CGRRF1: variants seen among roughly 807,000 people sequenced by gnomAD.
The protein encoded by CGRRF1 is cell growth regulator with RING finger domain protein 1.
A neutral mutation model predicts 37.2 loss-of-function variants in CGRRF1; 32 were observed. The ratio of observed to expected loss-of-function variants is 0.86; its 90% confidence interval spans 0.65 to 1.16. The LOEUF (loss-of-function observed/expected upper bound fraction) is 1.16. Among genes scored for constraint, CGRRF1 ranks in the 50% most tolerant of loss-of-function variants. The pLI is 0.00. For synonymous variants in CGRRF1, 141 were observed against 140.3 expected (o/e 1.00, Z -0.04); for missense variants, 391 against 382.6 (o/e 1.02, Z -0.18).
chr14:54,534,848 G>A lies in CGRRF1; in HGVS notation c.571-2874G>A, dbSNP rs531204197. ...TTCTGCCTCAGCCTCCTGAGTAACC[G>A]GGCCAACAGGAATGTACCACTGTGC... On this transcript the variant is annotated intron_variant, in intron 4 of 5. Coordinates refer to ENST00000216420, the MANE Select transcript of CGRRF1 (RefSeq NM_006568.3). 5.3e-5 allele frequency among the ~76,000 whole-genome samples: 8 copies of A among 152,060 alleles called. No homozygotes were observed. The East Asian group carries it at 1.4e-3, about 26-fold the overall frequency.
Position 54,538,619 on chromosome 14 carries a change from T to TA in CGRRF1, c.*238dup, listed in dbSNP as rs569047037. ...ATTCATTCAACTCTTGAAAAGAATCTAAGAGTTTGGCCTTTTATTAGCTAG... is the reference window on the plus strand; with the variant it reads ...ATTCATTCAACTCTTGAAAAGAATCTAAAGAGTTTGGCCTTTTATTAGCTAG... On this transcript the variant is annotated 3_prime_UTR_variant, in exon 6 of 6. Coordinates refer to ENST00000216420, the MANE Select transcript of CGRRF1 (RefSeq NM_006568.3). 18 of 331,306 alleles carry TA rather than the reference T, an allele frequency of 5.4e-5. No individual in the cohort carries two copies. In the South Asian group the frequency reaches 1.4e-3, roughly 25 times the overall value. 20.5% of individuals were successfully genotyped at this position (331,306 alleles called of 1,614,324 possible).
intron 1 of CGRRF1, among the ~76,000 whole-genome samples, chr14:54,514,390 T>C (rs978854496): frequency 1.3e-5 from 2 of 152,214 alleles, no homozygotes; most frequent in South Asian, 2.1e-4. Context: ...GTTTGTTTGA[T>C]GGAAACTTGG....
chr14:54,529,558 T>A (rs2032472298), intron 2 of CGRRF1, among the ~76,000 whole-genome samples: 1 of 152,234 alleles, frequency 6.6e-6, no homozygotes, highest in African/African-American at 2.4e-5. Flanking sequence ...ATGTATACAT[T>A]AATGTTAGTA....
chr14:54,524,987 C>T (rs192557907), intron 2 of CGRRF1, among the ~76,000 whole-genome samples: 1 of 152,184 alleles, frequency 6.6e-6, no homozygotes, highest in Non-Finnish European at 1.5e-5. Flanking sequence ...GTCGAGGTTG[C>T]AGTAAGCCGT....
intron 1 of CGRRF1, 120 bp downstream of exon 1, chr14:54,510,183 C>T: frequency 1.4e-6 from 1 of 703,206 alleles, no homozygotes; most frequent in Non-Finnish European, 2.5e-6. Context: ...GATTCGGTGT[C>T]CCCGGGTGCC....
intron 1 of CGRRF1, among the ~76,000 whole-genome samples, chr14:54,510,996 A>G (rs1019240316): frequency 2.0e-5 from 3 of 152,232 alleles, no homozygotes; most frequent in Admixed American, 6.5e-5. Context: ...ATTTTGGAGA[A>G]TGAGCATTTT....
chr14:54,528,007 C>G (rs2032442639), intron 2 of CGRRF1, among the ~76,000 whole-genome samples: 1 of 152,130 alleles, frequency 6.6e-6, no homozygotes, highest in Non-Finnish European at 1.5e-5. Flanking sequence ...TCCCAAAGTG[C>G]TGGAATTACA....
intron 1 of CGRRF1, among the ~76,000 whole-genome samples, chr14:54,516,626 T>C (rs1419677617): frequency 6.6e-6 from 1 of 152,188 alleles, no homozygotes; most frequent in East Asian, 1.9e-4. Flanking sequence ...ATTTGATTAT[T>C]ATGTGCCTTA....
chr14:54,522,575 T>A lies in CGRRF1; in HGVS notation c.226T>A (p.Ser76Thr), dbSNP rs747966078. Residue 76 changes from serine (S) to threonine (T), a missense_variant, in exon 2 of 6, where the codon TCT becomes ACT. Ser to Thr is a moderately conservative substitution (Grantham distance 58). Transcript: ENST00000216420. ...TTTTGGCTTAGAGATCACTAATCCA[T>A]CTTCAGCTTCAATTACAAGTTGGTG... Reference protein sequence around the residue: ...NPFGLEITNPSSASITTGITL... With the variant: ...NPFGLEITNPTSASITTGITL... 1.3e-6 allele frequency: 2 copies of A among 1,580,918 alleles called. No homozygotes were observed. Among genetic ancestry groups the A allele is most frequent in the East Asian group, 4.6e-5 (2 of 43,572 alleles).
chr14:54,522,680 C>A, intron 2 of CGRRF1, 87 bp downstream of exon 2: 2 of 1,252,954 alleles, frequency 1.6e-6, no homozygotes, highest in Admixed American at 2.4e-5. Context: ...TCTTTCCCTT[C>A]ATTAGACTTT....
At chr14:54,529,976 G>C in intron 2 of CGRRF1, 73 bp from the exon 3 acceptor site, 1 of 1,268,592 alleles carries the variant, frequency 7.9e-7, no homozygotes, top group Non-Finnish European at 1.1e-6. Context: ...GGAAGCTTTT[G>C]TTACTCACCC....
At chr14:54,530,019 C>CT in intron 2 of CGRRF1, 30 bp from the exon 3 acceptor site, 2 of 1,570,132 alleles carry the variant, frequency 1.3e-6, no homozygotes, top group South Asian at 1.1e-5. Flanking sequence ...CATTAAATCA[C>CT]TTTCATTCTT....
chr14:54,511,711 T>A (rs1041247269), intron 1 of CGRRF1, among the ~76,000 whole-genome samples: 1 of 152,246 alleles, frequency 6.6e-6, no homozygotes, highest in African/African-American at 2.4e-5. Context: ...GTTCAAATCC[T>A]GGCTCTGCCA....
intron 4 of CGRRF1, among the ~76,000 whole-genome samples, chr14:54,531,737 T>A (rs888577023): frequency 5.9e-5 from 9 of 152,278 alleles, no homozygotes; most frequent in Admixed American, 1.3e-4. Context: ...GTCTGATAGT[T>A]GATTCCTATT....
At chr14:54,511,072 G>A (rs1379795762) in intron 1 of CGRRF1, among the ~76,000 whole-genome samples, 2 of 152,206 alleles carry the variant, frequency 1.3e-5, no homozygotes, top group Non-Finnish European at 2.9e-5. Context: ...GACAGCATGA[G>A]CATAGGGGCA....
chr14:54,520,062 GT>G, intron 1 of CGRRF1, among the ~76,000 whole-genome samples: 1 of 152,040 alleles, frequency 6.6e-6, no homozygotes, highest in Non-Finnish European at 1.5e-5. Flanking sequence ...TTCGTTTATA[GT>G]TTTTTGAAGT....
chr14:54,510,257 A>G (rs1365550723), intron 1 of CGRRF1, 194 bp downstream of exon 1: 3 of 589,984 alleles, frequency 5.1e-6, no homozygotes, highest in East Asian at 2.9e-5. Context: ...ACTGCCCTGC[A>G]TCACCGTTTG....
chr14:54,525,045 T>C (rs2032389984), intron 2 of CGRRF1, among the ~76,000 whole-genome samples: 1 of 152,006 alleles, frequency 6.6e-6, no homozygotes, highest in South Asian at 2.1e-4. Context: ...AGACTCTGTC[T>C]CAAAAAATAA....
Position 54,509,984 on chromosome 14 carries a change from C to G in CGRRF1, c.25C>G (p.Leu9Val), listed in dbSNP as rs749268741. 19 of 1,613,752 alleles carry G rather than the reference C, an allele frequency of 1.2e-5. No individual in the cohort carries two copies. The highest frequency in any genetic ancestry group is 1.4e-5 in the Non-Finnish European group (17 of 1,179,722). MAAVFLVT[L>V]YEYSPLFYIA... The stretch of plus-strand genomic sequence containing the variant: ...GATGGCTGCGGTGTTTCTGGTAACG[C>G]TTTATGAATACTCGCCGCTTTTCTA... Residue 9 changes from leucine (L) to valine (V), a missense_variant, in exon 1 of 6, where the codon CTT becomes GTT. By Grantham distance (32) the Leu-to-Val change is conservative. Transcript: ENST00000216420.
Sources: allele counts gnomAD v4.1 joint callset (sites outside exome capture counted in the v4.1 genomes callset), GRCh38; gene constraint gnomAD v4.1.1; transcripts MANE v1.5; gene names NCBI Gene and HGNC (gene_info 2026-07-23, HGNC 2026-07-21).